Variants in RANBP3L observed in about 807,000 individuals in gnomAD.
The protein encoded by RANBP3L is RAN binding protein 3 like.
Under a neutral mutation model 67.2 loss-of-function variants are expected in RANBP3L, and 56 were observed. That is an observed-to-expected ratio of 0.83 (90% CI 0.67 to 1.04). RANBP3L has a LOEUF of 1.04. Among genes scored for constraint, RANBP3L ranks in the 50% least tolerant of loss-of-function variants. The probability of loss-of-function intolerance (pLI) is 0.00; values close to 1 mark genes in which losing one functional copy is unlikely to be tolerated. For synonymous variants in RANBP3L, 164 were observed against 181.4 expected, an observed-to-expected ratio of 0.90 and a Z score of 0.77; for missense variants, 496 against 535.5, an observed-to-expected ratio of 0.93 and a Z score of 0.73.
intron 1 of RANBP3L, among the ~76,000 whole-genome samples, chr5:36,276,625 C>G (rs980672402): frequency 5.3e-5 from 8 of 152,040 alleles, no homozygotes; most frequent in Non-Finnish European, 1.5e-5. Context: ...TATACCCCCC[C>G]TAATTTTGGG....
At chr5:36,256,457 A>G (rs1376462130) in intron 10 of RANBP3L, among the ~76,000 whole-genome samples, 1 of 152,080 alleles carries the variant, frequency 6.6e-6, no homozygotes, top group Non-Finnish European at 1.5e-5. Context: ...CAACATTAAA[A>G]TCCTGTGATA....
At chr5:36,257,717 C>T (rs1035386728) in intron 8 of RANBP3L, among the ~76,000 whole-genome samples, 161 bp from the exon 9 acceptor site, 10 of 152,044 alleles carry the variant, frequency 6.6e-5, no homozygotes, top group Non-Finnish European at 1.0e-4. Flanking sequence ...ACAGAGAAAT[C>T]GTCTCTATTG....
intron 4 of RANBP3L, chr5:36,268,340 G>T: frequency 9.2e-7 from 1 of 1,085,820 alleles, no homozygotes. Flanking sequence ...GAGTTTTGCT[G>T]TTTTGGAAAA....
rs111444240 is a variant in RANBP3L at position 36,292,813 on chromosome 5, A to G, written c.91+8513T>C. Among the ~76,000 whole-genome samples the G allele has an allele frequency of 5.8e-3, 876 of 152,212 alleles. 6 individuals are homozygous for G. Among genetic ancestry groups the G allele is most frequent in the Middle Eastern group, 0.024 (7 of 294 alleles). On this transcript the variant is annotated intron_variant, in intron 1 of 13. Transcript: ENST00000296604. Reference sequence around the variant, plus strand: ...GTTTTGGTTACTGTAGCCTTGTAGGATAGTTTGAAGTCAGGTAGCGTGATG... The same window carrying G: ...GTTTTGGTTACTGTAGCCTTGTAGGGTAGTTTGAAGTCAGGTAGCGTGATG...
chr5:36,268,094 G>C (rs1749937961), intron 4 of RANBP3L: 4 of 719,718 alleles, frequency 5.6e-6, no homozygotes. Context: ...TTTCTAAAGT[G>C]TCAGCATTTT....
intron 4 of RANBP3L, among the ~76,000 whole-genome samples, chr5:36,268,595 C>A (rs1312345202): frequency 6.6e-6 from 1 of 152,108 alleles, no homozygotes; most frequent in East Asian, 1.9e-4. Context: ...TGAAAGGAAT[C>A]CCTGGAGTGC....
At position 36,287,717 on chromosome 5, in the gene RANBP3L, C is replaced by G. The variant is rs1451565587; in HGVS notation, c.91+13609G>C. 2.6e-5 allele frequency among the ~76,000 whole-genome samples: 4 copies of G among 152,096 alleles called. No homozygotes were observed. In the East Asian group the frequency reaches 5.8e-4, roughly 22 times the overall value. On this transcript the variant is annotated intron_variant, in intron 1 of 13. Coordinates refer to ENST00000296604, the MANE Select transcript of RANBP3L (RefSeq NM_145000.5). ...TCTTTTTATTATACCTCAATTTATC[C>G]TGTGCTAATCTCATTGATTAGCTAA...
chr5:36,291,399 T>C (rs967092044), intron 1 of RANBP3L, among the ~76,000 whole-genome samples: 1 of 151,892 alleles, frequency 6.6e-6, no homozygotes, highest in African/African-American at 2.4e-5. Flanking sequence ...TCTTATTTAT[T>C]TTTATTATTA....
intron 1 of RANBP3L, among the ~76,000 whole-genome samples, chr5:36,274,724 A>AT (rs1750453591): frequency 6.6e-6 from 1 of 151,974 alleles, no homozygotes; most frequent in African/African-American, 2.4e-5. Context: ...TTTGATATGC[A>AT]TTTTTTCTTT....
At chr5:36,280,701 C>G (rs1307348974) in intron 1 of RANBP3L, among the ~76,000 whole-genome samples, 4 of 152,108 alleles carry the variant, frequency 2.6e-5, no homozygotes, top group Admixed American at 1.3e-4. Flanking sequence ...TGATCAGGGA[C>G]TAGAATGGTT....
intron 5 of RANBP3L, 28 bp downstream of exon 5, chr5:36,265,421 T>G (rs780389775): frequency 1.4e-6 from 2 of 1,427,716 alleles, no homozygotes; most frequent in South Asian, 2.4e-5. Flanking sequence ...ATACAATTTC[T>G]GAGGTTCTTG....
chr5:36,256,906 A>T, intron 10 of RANBP3L, 35 bp downstream of exon 10: 2 of 1,574,664 alleles, frequency 1.3e-6, no homozygotes, highest in Non-Finnish European at 8.6e-7. Context: ...AAGTATGTAA[A>T]TGCTACCAGA....
chr5:36,257,436 A>G lies in RANBP3L; in HGVS notation c.772+18T>C. On this transcript the variant is annotated intron_variant, in intron 9 of 13. Coordinates refer to ENST00000296604, the MANE Select transcript of RANBP3L (RefSeq NM_145000.5). ...AAACTAGGTGAATCTAATGTTTTAC[A>G]AATGAAAGAATTCTTACTTGAACTT... 1 of 1,249,552 alleles carries G rather than the reference A, an allele frequency of 8.0e-7. No individual in the cohort carries two copies. Among genetic ancestry groups the G allele is most frequent in the Non-Finnish European group, 1.2e-6 (1 of 860,020 alleles). 77.4% of individuals were successfully genotyped at this position (1,249,552 alleles called of 1,614,324 possible).
At chr5:36,271,081 A>C (rs1750175279) in intron 2 of RANBP3L, among the ~76,000 whole-genome samples, 172 bp downstream of exon 2, 1 of 152,210 alleles carries the variant, frequency 6.6e-6, no homozygotes, top group Admixed American at 6.5e-5. Flanking sequence ...TTCCCATTCC[A>C]GCCAAACTGA....
At chr5:36,296,824 T>C (rs1752250277) in intron 1 of RANBP3L, among the ~76,000 whole-genome samples, 1 of 152,198 alleles carries the variant, frequency 6.6e-6, no homozygotes, top group Non-Finnish European at 1.5e-5. Context: ...GTGAGTCTCA[T>C]CTAATCAGTC....
At chr5:36,290,224 C>CTTTTTTTTT (rs33974139) in intron 1 of RANBP3L, among the ~76,000 whole-genome samples, 4 of 143,990 alleles carry the variant, frequency 2.8e-5, no homozygotes, top group Non-Finnish European at 3.0e-5. Flanking sequence ...TCTGTCTCAC[C>CTTTTTTTTT]TTTTTTTTTT....
intron 1 of RANBP3L, among the ~76,000 whole-genome samples, chr5:36,290,794 C>T (rs1242157764): frequency 1.4e-4 from 19 of 131,070 alleles, no homozygotes; most frequent in African/African-American, 4.7e-4. Flanking sequence ...TGCAGTGGCG[C>T]GATCTCGGCT....
intron 13 of RANBP3L, among the ~76,000 whole-genome samples, chr5:36,250,156 T>G (rs1270179320): frequency 1.3e-5 from 2 of 151,960 alleles, no homozygotes; most frequent in African/African-American, 4.8e-5. Flanking sequence ...AATTTGCTAT[T>G]TAATCCTTAT....
chr5:36,296,594 G>T (rs1337416133), intron 1 of RANBP3L, among the ~76,000 whole-genome samples: 1 of 152,126 alleles, frequency 6.6e-6, no homozygotes, highest in Non-Finnish European at 1.5e-5. Flanking sequence ...TGTAACCTTG[G>T]AAGAGTCATC....
Sources: gnomAD v4.1 joint callset for allele counts (sites outside exome capture counted in the v4.1 genomes callset) on GRCh38, gnomAD v4.1.1 for gene constraint, MANE v1.5 for transcripts, NCBI Gene and HGNC (gene_info 2026-07-23, HGNC 2026-07-21) for gene names.